The following DNAJC27 variants were observed in gnomAD, a reference collection of about 807,000 sequenced individuals.
DNAJC27 encodes DnaJ heat shock protein family (Hsp40) member C27.
DNAJC27 carries 25 observed loss-of-function variants against 31.4 expected under a neutral mutation model. That is an observed-to-expected ratio of 0.80 (90% CI 0.58 to 1.11). DNAJC27 has a LOEUF of 1.11. Among genes scored for constraint, DNAJC27 ranks in the 50% most tolerant of loss-of-function variants. The probability of loss-of-function intolerance (pLI) is 0.00; values close to 1 mark genes in which losing one functional copy is unlikely to be tolerated. For synonymous variants in DNAJC27, 106 were observed against 112.7 expected (o/e 0.94, Z 0.37); for missense variants, 356 against 347.3 (o/e 1.02, Z -0.20).
chr2:24,957,747 C>T, intron 4 of DNAJC27, 63 bp downstream of exon 4: 2 of 1,442,564 alleles, frequency 1.4e-6, no homozygotes, highest in African/African-American at 1.4e-5. Context: ...CTTTTTGTTT[C>T]CCAACACTCA....
intron 3 of DNAJC27, 104 bp from the exon 4 acceptor site, chr2:24,958,078 A>G: frequency 9.5e-7 from 1 of 1,053,214 alleles, no homozygotes; most frequent in South Asian, 1.6e-5. Flanking sequence ...GTGTATTCTT[A>G]GTGTTTGCTA....
At position 24,953,110 on chromosome 2, in the gene DNAJC27, C is replaced by G. The variant is rs189805710; in HGVS notation, c.529-1556G>C. On this transcript the variant is annotated intron_variant, in intron 5 of 6. Transcript: ENST00000264711. Reference sequence around the variant, plus strand: ...TTTGACCCTGCTCATGTTTCATGTTCTGTGCACTGTAATTATTATTGAATA... The same window carrying G: ...TTTGACCCTGCTCATGTTTCATGTTGTGTGCACTGTAATTATTATTGAATA... 6.6e-5 allele frequency among the ~76,000 whole-genome samples: 10 copies of G among 152,174 alleles called. No individual in the cohort carries two copies. The East Asian group carries it at 1.9e-3, about 29-fold the overall frequency.
intron 1 of DNAJC27, among the ~76,000 whole-genome samples, chr2:24,967,851 C>T (rs944771808): frequency 2.6e-5 from 4 of 151,920 alleles, no homozygotes; most frequent in Admixed American, 2.6e-4. Context: ...CTGAAGATGT[C>T]TTCTATTCTT....
chr2:24,963,181 A>C (rs1184801472), intron 3 of DNAJC27: 1 of 407,596 alleles, frequency 2.5e-6, no homozygotes, highest in Admixed American at 4.2e-5. Flanking sequence ...TCTTATTGAA[A>C]TGTTTGAAAT....
At chr2:24,963,325 G>T in intron 3 of DNAJC27, 80 bp downstream of exon 3, 3 of 1,151,066 alleles carry the variant, frequency 2.6e-6, no homozygotes, top group Non-Finnish European at 2.6e-6. Context: ...TATCAATATT[G>T]GTTGTTTCAT....
intron 6 of DNAJC27, among the ~76,000 whole-genome samples, chr2:24,948,973 T>C (rs1210861974): frequency 6.6e-6 from 1 of 152,212 alleles, no homozygotes; most frequent in East Asian, 1.9e-4. Flanking sequence ...TTTGATACCT[T>C]GGCTATGATG....
At position 24,971,856 on chromosome 2, in the gene DNAJC27, T is replaced by G. The variant is rs758680294; in HGVS notation, c.49A>C (p.Ile17Leu). ...KRKEPGRSLR[I>L]KVISMGNAEV... The stretch of plus-strand genomic sequence containing the variant: ...GCGTTGCCCATGGAGATGACTTTGA[T>G]GCGGAGAGACCTGCCGGGCTCCTTC... The change falls in exon 1 of 7, where the codon ATC becomes CTC. Residue 17 changes from isoleucine (I) to leucine (L), a missense_variant. Physicochemically the swap from Ile to Leu is conservative, Grantham distance 5. Transcript: ENST00000264711. 6.2e-7 allele frequency: 1 copy of G among 1,609,478 alleles called. No individual in the cohort carries two copies. The highest frequency in any genetic ancestry group is 8.5e-7 in the Non-Finnish European group (1 of 1,178,338).
intron 5 of DNAJC27, among the ~76,000 whole-genome samples, chr2:24,955,267 C>A (rs922092361): frequency 6.6e-6 from 1 of 152,100 alleles, no homozygotes; most frequent in Non-Finnish European, 1.5e-5. Context: ...ATACTGGGAA[C>A]CAAATGCAAA....
Position 24,945,815 on chromosome 2 carries a change from C to T in DNAJC27, c.*1801G>A, listed in dbSNP as rs909180568. Reference sequence around the variant, plus strand: ...TTTCCTGAAGACAAGCTCAGTGCAGCCCAAGTACAGGCATACAGTGAAAAG... The same window carrying T: ...TTTCCTGAAGACAAGCTCAGTGCAGTCCAAGTACAGGCATACAGTGAAAAG... On this transcript the variant is annotated 3_prime_UTR_variant, in exon 7 of 7. Transcript: ENST00000264711. The T allele has an allele frequency of 7.2e-5, 11 of 152,202 alleles. No individual in the cohort carries two copies. Among genetic ancestry groups the T allele is most frequent in the Non-Finnish European group, 1.6e-4 (11 of 68,032 alleles). The allele number at this position is 152,202 out of a possible 1,614,324, so 9.4% of individuals were successfully genotyped here.
intron 5 of DNAJC27, among the ~76,000 whole-genome samples, chr2:24,952,858 T>C (rs1001721840): frequency 6.6e-6 from 1 of 152,200 alleles, no homozygotes; most frequent in Non-Finnish European, 1.5e-5. Context: ...AGTGGGTATC[T>C]TTCCAAATGC....
At chr2:24,969,921 A>C (rs1193084013) in intron 1 of DNAJC27, among the ~76,000 whole-genome samples, 1 of 152,030 alleles carries the variant, frequency 6.6e-6, no homozygotes, top group Non-Finnish European at 1.5e-5. Context: ...AAAAACCCTT[A>C]TTGATGTTTT....
chr2:24,958,472 C>CA (rs1665962563), intron 3 of DNAJC27: 1 of 244,262 alleles, frequency 4.1e-6, no homozygotes, highest in Non-Finnish European at 9.1e-6. Flanking sequence ...ACTCCAAACT[C>CA]AGAGCCTCAG....
intron 1 of DNAJC27, chr2:24,971,491 G>A (rs1012390142): frequency 2.0e-4 from 42 of 207,878 alleles, no homozygotes; most frequent in African/African-American, 9.4e-4. Flanking sequence ...GTCCCGGACG[G>A]CCCCCTAGAA....
At chr2:24,971,214 C>T (rs546241500) in intron 1 of DNAJC27, among the ~76,000 whole-genome samples, 15 of 152,290 alleles carry the variant, frequency 9.8e-5, no homozygotes, top group Middle Eastern at 6.8e-3. Flanking sequence ...ACAGATGGGG[C>T]AGAGAGAAGG....
intron 5 of DNAJC27, among the ~76,000 whole-genome samples, chr2:24,954,790 A>G (rs1296077831): frequency 2.0e-5 from 3 of 152,168 alleles, no homozygotes; most frequent in Admixed American, 2.0e-4. Context: ...ACAAAAAATT[A>G]GCCGGGCATG....
chr2:24,951,540 G>A lies in DNAJC27; in HGVS notation c.543C>T (p.Ser181=). The A allele has an allele frequency of 1.2e-6, 2 of 1,611,906 alleles. No homozygotes were observed. Among genetic ancestry groups the A allele is most frequent in the South Asian group, 2.2e-5 (2 of 90,514 alleles). ...INEMFQTFYI[S]IVDLCENGGK... ...CGCCATTTTCACATAAATCAACTAT[G>A]GATATATAAAAGGTCTACAAGAAGA... Residue 181 remains serine, a synonymous_variant, in exon 6 of 7, where the codon TCC becomes TCT. Coordinates refer to ENST00000264711, the MANE Select transcript of DNAJC27 (RefSeq NM_016544.3).
Position 24,943,710 on chromosome 2 carries a change from T to A in DNAJC27, c.*3906A>T, listed in dbSNP as rs1462111603. 6.6e-6 allele frequency: 1 copy of A among 152,646 alleles called. No individual in the cohort carries two copies. Among genetic ancestry groups the A allele is most frequent in the East Asian group, 1.9e-4 (1 of 5,198 alleles). 9.5% of individuals were successfully genotyped at this position (152,646 alleles called of 1,614,324 possible). A position where few individuals can be genotyped will look rare whatever the true frequency, so the allele number is the denominator to read the frequency against. ...CATATGACACTCTGTTTACAAGACA[T>A]AAACTGGTAGATTTAACATTTTCAG... On this transcript the variant is annotated 3_prime_UTR_variant, in exon 7 of 7. Transcript: ENST00000264711.
intron 3 of DNAJC27, among the ~76,000 whole-genome samples, chr2:24,962,213 TTTCTTTTG>T (rs1430733931): frequency 3.3e-4 from 18 of 54,018 alleles, no homozygotes; most frequent in African/African-American, 1.3e-3. Flanking sequence ...ACATACTTTT[TTTCTTTTG>T]TTTTTTTTTG....
At position 24,957,046 on chromosome 2, in the gene DNAJC27, G is replaced by A. The variant is rs748261724; in HGVS notation, c.525C>T (p.Phe175=). The stretch of plus-strand genomic sequence containing the variant: ...AAACAACAAAATGCTAGCTTACCTG[G>A]AACATCTCATTAATGCCTTCTCCAG... ...AQTGEGINEM[F]QTFYISIVDL... is the part of the protein sequence containing the mutation. Residue 175 remains phenylalanine (F), a synonymous_variant, in exon 5 of 7, where the codon TTC becomes TTT. Coordinates refer to ENST00000264711, the MANE Select transcript of DNAJC27 (RefSeq NM_016544.3). The A allele has an allele frequency of 6.2e-7, 1 of 1,606,216 alleles. No individual in the cohort carries two copies. Among genetic ancestry groups the A allele is most frequent in the Non-Finnish European group, 8.5e-7 (1 of 1,177,430 alleles).
Sources: allele counts gnomAD v4.1 joint callset (sites outside exome capture counted in the v4.1 genomes callset), GRCh38; gene constraint gnomAD v4.1.1; transcripts MANE v1.5; gene names NCBI Gene and HGNC (gene_info 2026-07-23, HGNC 2026-07-21).